Variants in CPD observed in about 807,000 individuals in gnomAD.
CPD encodes the protein metallocarboxypeptidase D.
Under a neutral mutation model 138.3 loss-of-function variants are expected in CPD, and 69 were observed. The observed-to-expected ratio is 0.50, with a 90% confidence interval of 0.41 to 0.61. The LOEUF is 0.61. CPD is among the 20% of genes least tolerant of loss of function. The pLI, the probability that CPD is intolerant of heterozygous loss-of-function variation, is 0.00. For synonymous variants in CPD, 651 were observed against 642.1 expected, an observed-to-expected ratio of 1.01 and a Z score of -0.21; for missense variants, 1,432 against 1,733.3, an observed-to-expected ratio of 0.83 and a Z score of 3.09.
Position 30,427,466 on chromosome 17 carries a change from T to C in CPD, c.1925T>C (p.Val642Ala). ...DLNRNFPDQF[V>A]QITDPTQPET... ...AACCGAAATTTCCCAGACCAGTTTGTTCAGATCACAGATCCTACGCAACCA... is the reference window on the plus strand; with the variant it reads ...AACCGAAATTTCCCAGACCAGTTTGCTCAGATCACAGATCCTACGCAACCA... Residue 642 changes from valine to alanine, a missense_variant, in exon 7 of 21, where the codon GTT becomes GCT. This residue lies in a region of CPD where 297 missense variants were observed against 405.3 expected (regional missense o/e 0.73). Transcript: ENST00000225719. The C allele has an allele frequency of 6.2e-7, 1 of 1,614,162 alleles. No individual in the cohort carries two copies. Among genetic ancestry groups the C allele is most frequent in the Non-Finnish European group, 8.5e-7 (1 of 1,180,006 alleles).
In CPD at chr17:30,462,472, A is replaced by G; in HGVS notation, c.3916+3A>G. ...GGAGCTTGTGGTAACTGTATCAGGTAAAGACATTTTGATTTTTAGTAGTAA... is the reference window on the plus strand; with the variant it reads ...GGAGCTTGTGGTAACTGTATCAGGTGAAGACATTTTGATTTTTAGTAGTAA... On this transcript the variant is annotated splice_donor_region_variant and intron_variant, in intron 20 of 20. Transcript: ENST00000225719. The G allele has an allele frequency of 1.9e-6, 3 of 1,608,440 alleles. No individual in the cohort carries two copies. Among genetic ancestry groups the G allele is most frequent in the Non-Finnish European group, 2.6e-6 (3 of 1,176,116 alleles).
At chr17:30,432,866 C>T (rs185344306) in intron 8 of CPD, among the ~76,000 whole-genome samples, 3 of 152,214 alleles carry the variant, frequency 2.0e-5, no homozygotes, top group African/African-American at 7.2e-5. Flanking sequence ...TTGAAGTGAG[C>T]TTGATCACAA....
chr17:30,431,500 G>A (rs1468630585), intron 7 of CPD, among the ~76,000 whole-genome samples: 3 of 151,988 alleles, frequency 2.0e-5, no homozygotes, highest in Non-Finnish European at 4.4e-5. Flanking sequence ...AGTCCTTTCC[G>A]TATTGATGCT....
intron 14 of CPD, among the ~76,000 whole-genome samples, chr17:30,453,289 G>T (rs1485792035): frequency 6.6e-6 from 1 of 152,204 alleles, no homozygotes; most frequent in East Asian, 1.9e-4. Flanking sequence ...TAAAATAGGG[G>T]TACAGGCATT....
chr17:30,386,682 T>C (rs941012849), intron 2 of CPD, among the ~76,000 whole-genome samples: 1 of 152,232 alleles, frequency 6.6e-6, no homozygotes, highest in South Asian at 2.1e-4. Context: ...ATTTTAGATA[T>C]TTTATATAAC....
Position 30,449,602 on chromosome 17 carries a change from A to C in CPD, c.2923A>C (p.Asn975His). The change falls in exon 13 of 21, where the codon AAT becomes CAT. Residue 975 changes from asparagine (N) to histidine (H), a missense_variant. Asn to His is a moderately conservative substitution (Grantham distance 68). Transcript: ENST00000225719. ...YRHIWSLEISNKPNVSEPEEP... is the reference protein window; with the variant it reads ...YRHIWSLEISHKPNVSEPEEP... ...TCACATTTGGTCCCTTGAAATCTCC[A>C]ATAAGCCCAATGTATCTGAGCCTGA... 6.2e-7 allele frequency: 1 copy of C among 1,605,872 alleles called. No individual in the cohort carries two copies. Among genetic ancestry groups the C allele is most frequent in the African/African-American group, 1.3e-5 (1 of 74,496 alleles).
chr17:30,399,611 G>A (rs781643260), intron 2 of CPD, among the ~76,000 whole-genome samples: 4 of 152,042 alleles, frequency 2.6e-5, no homozygotes, highest in Non-Finnish European at 4.4e-5. Context: ...TTACCTGATA[G>A]TCATATAGCT....
intron 8 of CPD, 148 bp from the exon 9 acceptor site, chr17:30,438,827 T>C (rs1017777474): frequency 1.5e-5 from 7 of 477,020 alleles, no homozygotes; most frequent in Admixed American, 8.4e-5. Context: ...CTGAAAAGTC[T>C]CACTGCTCAT....
intron 20 of CPD, 69 bp downstream of exon 20, chr17:30,462,538 C>A: frequency 3.0e-6 from 3 of 1,015,310 alleles, no homozygotes; most frequent in South Asian, 1.3e-5. Context: ...GAGAGTGGGT[C>A]ACCTCTCTCA....
At chr17:30,432,837 C>T (rs1453778561) in intron 8 of CPD, among the ~76,000 whole-genome samples, 2 of 152,046 alleles carry the variant, frequency 1.3e-5, no homozygotes, top group Non-Finnish European at 2.9e-5. Flanking sequence ...GAGGATTGCT[C>T]TATCCCAGGA....
intron 20 of CPD, among the ~76,000 whole-genome samples, chr17:30,463,461 T>A (rs1227226577): frequency 6.6e-6 from 1 of 152,224 alleles, no homozygotes; most frequent in Non-Finnish European, 1.5e-5. Context: ...AGTCATAAGT[T>A]CCTAGGACTT....
In CPD at chr17:30,421,753, T is replaced by C; in HGVS notation, c.1227T>C (p.His409=). 6.2e-7 allele frequency: 1 copy of C among 1,613,734 alleles called. No individual in the cohort carries two copies. The highest frequency in any genetic ancestry group is 8.5e-7 in the Non-Finnish European group (1 of 1,179,674). ...CCATCTCAGTGGCTGGTATTAATCA[T>C]AATATCACAACAGGCAGATTTGGTG... is the stretch of plus-strand genomic sequence containing the variant. The part of the protein sequence containing the change: ...NATISVAGIN[H]NITTGRFGDF... Residue 409 remains histidine, a synonymous_variant, in exon 4 of 21, where the codon CAT becomes CAC. Transcript: ENST00000225719.
intron 14 of CPD, chr17:30,454,929 T>A (rs550990085): frequency 6.3e-6 from 1 of 158,128 alleles, no homozygotes; most frequent in African/African-American, 2.4e-5. Flanking sequence ...TTCAGTCACC[T>A]CCCACTGGGT....
chr17:30,416,119 G>A (rs1165630791), intron 2 of CPD, among the ~76,000 whole-genome samples: 1 of 152,136 alleles, frequency 6.6e-6, no homozygotes, highest in African/African-American at 2.4e-5. Flanking sequence ...GATCACCTGA[G>A]GTCAGGAGTT....
intron 8 of CPD, among the ~76,000 whole-genome samples, chr17:30,437,396 T>G (rs561959488): frequency 6.6e-6 from 1 of 152,178 alleles, no homozygotes; most frequent in African/African-American, 2.4e-5. Flanking sequence ...CTAAAAGTTA[T>G]ATACCAAGCC....
In CPD at chr17:30,379,211, C is replaced by T. The variant is rs943510039; in HGVS notation, c.231C>T (p.Pro77=). The part of the protein sequence containing the change: ...ALREAAAAGL[P]GLARLFSIGR... ...GGGAGGCGGCGGCCGCGGGCCTCCCCGGCCTGGCCCGCCTCTTTAGCATCG... is the reference window on the plus strand; with the variant it reads ...GGGAGGCGGCGGCCGCGGGCCTCCCTGGCCTGGCCCGCCTCTTTAGCATCG... The change falls in exon 1 of 21, where the codon CCC becomes CCT. Residue 77 remains proline, a synonymous_variant. Coordinates refer to ENST00000225719, the MANE Select transcript of CPD (RefSeq NM_001304.5). This position sits in a 1 kb window ranked among gnomAD's most constrained non-coding sequence, Gnocchi z 7.0. 13 of 1,528,128 alleles carry T rather than the reference C, an allele frequency of 8.5e-6. No homozygotes were observed. The Admixed American group carries it at 2.4e-4, about 28-fold the overall frequency. The allele number at this position is 1,528,128 out of a possible 1,614,324, so 94.7% of individuals were successfully genotyped here.
At chr17:30,410,960 CT>C in intron 2 of CPD, among the ~76,000 whole-genome samples, 1 of 140,174 alleles carries the variant, frequency 7.1e-6, no homozygotes, top group African/African-American at 2.6e-5. Flanking sequence ...CATGAATGGT[CT>C]TTGCAATTTG....
chr17:30,427,611 T>C, intron 7 of CPD, 53 bp downstream of exon 7: 2 of 1,520,512 alleles, frequency 1.3e-6, no homozygotes, highest in South Asian at 1.2e-5. Flanking sequence ...CATTTGGAAA[T>C]CCTGGTGGAA....
At position 30,449,935 on chromosome 17, in the gene CPD, A is replaced by G. The variant is rs148658344; in HGVS notation, c.3069+187A>G. On this transcript the variant is annotated intron_variant, in intron 13 of 20. Transcript: ENST00000225719. ...TACCCTTTGTTAATAGTGTCTTTCT[A>G]TTATATTTCCTTGTATGTCTTAAGA... is the stretch of plus-strand genomic sequence containing the variant. Among the ~76,000 whole-genome samples, 203 of 152,204 alleles carry G rather than the reference A, an allele frequency of 1.3e-3. 3 individuals carry two copies. The East Asian group carries it at 0.034, about 25-fold the overall frequency.
Sources: gnomAD v4.1 joint callset for allele counts (sites outside exome capture counted in the v4.1 genomes callset) on GRCh38, gnomAD v4.1.1 for gene constraint, gnomAD v4.1.1 regional missense constraint, Gnocchi (gnomAD v3.1) non-coding constraint, MANE v1.5 for transcripts, NCBI Gene and HGNC (gene_info 2026-07-23, HGNC 2026-07-21) for gene names.